The following CDH8 variants were observed in gnomAD, a reference collection of about 807,000 sequenced individuals.
The protein encoded by CDH8 is cadherin 8, also known as cadherin-8.
In CDH8, 17 loss-of-function variants were observed where a neutral mutation model predicts 68.1. That is an observed-to-expected ratio of 0.25 (90% CI 0.17 to 0.37). CDH8 has a LOEUF of 0.37. CDH8 is among the 10% of genes least tolerant of loss of function. The pLI is 1.00. For synonymous variants in CDH8, 372 were observed against 365.1 expected (o/e 1.02, Z -0.21); for missense variants, 763 against 999.3 (o/e 0.76, Z 3.19).
chr16:61,905,901 A>C, intron 2 of CDH8, among the ~76,000 whole-genome samples: 1 of 151,662 alleles, frequency 6.6e-6, no homozygotes. Context: ...TCTTGAAAAA[A>C]AAGAAAAAAG....
intron 2 of CDH8, among the ~76,000 whole-genome samples, chr16:62,016,706 C>T (rs911706495): frequency 6.6e-6 from 1 of 152,194 alleles, no homozygotes; most frequent in African/African-American, 2.4e-5. Context: ...CCTTGGTCCA[C>T]AGAGGACTGG....
At chr16:61,754,459 A>T (rs1960257802) in intron 8 of CDH8, among the ~76,000 whole-genome samples, 1 of 152,136 alleles carries the variant, frequency 6.6e-6, no homozygotes, top group South Asian at 2.1e-4. Context: ...TGATGAGTCA[A>T]AGGAAGAATA....
intron 8 of CDH8, among the ~76,000 whole-genome samples, chr16:61,757,552 C>G (rs1036276840): frequency 1.3e-5 from 2 of 152,134 alleles, no homozygotes; most frequent in Non-Finnish European, 2.9e-5. Context: ...GGTAGCTGTT[C>G]TCTTGAATAT....
At chr16:61,937,738 A>G (rs1225288115) in intron 2 of CDH8, among the ~76,000 whole-genome samples, 1 of 152,196 alleles carries the variant, frequency 6.6e-6, no homozygotes, top group African/African-American at 2.4e-5. Context: ...AACCTGAGGT[A>G]TAAACTTCAA....
intron 2 of CDH8, among the ~76,000 whole-genome samples, chr16:61,924,152 C>G (rs543976323): frequency 9.2e-5 from 14 of 151,968 alleles, no homozygotes; most frequent in South Asian, 2.1e-4. Flanking sequence ...TCGTTTTAAT[C>G]CTGATACTCT....
chr16:61,894,438 A>G (rs1169732464), intron 3 of CDH8, among the ~76,000 whole-genome samples: 1 of 152,166 alleles, frequency 6.6e-6, no homozygotes. Flanking sequence ...TGTATTTGAT[A>G]TCAATGGTGT....
At chr16:61,680,110 G>A (rs151273179) in intron 10 of CDH8, among the ~76,000 whole-genome samples, 80 of 151,970 alleles carry the variant, frequency 5.3e-4, no homozygotes, top group African/African-American at 1.9e-3. Context: ...ATATCCCTGC[G>A]TCATTCTTGC....
At chr16:61,929,662 G>A (rs757618042) in intron 2 of CDH8, among the ~76,000 whole-genome samples, 11 of 152,140 alleles carry the variant, frequency 7.2e-5, no homozygotes, top group Non-Finnish European at 1.6e-4. Flanking sequence ...CAAGATGGCA[G>A]TATATCTTGA....
At chr16:61,730,628 A>T (rs1365748447) in intron 8 of CDH8, among the ~76,000 whole-genome samples, 1 of 151,624 alleles carries the variant, frequency 6.6e-6, no homozygotes, top group Non-Finnish European at 1.5e-5. Flanking sequence ...TTTATTTAAC[A>T]ATTACGCAAG....
intron 10 of CDH8, among the ~76,000 whole-genome samples, chr16:61,704,550 T>C (rs1231736366): frequency 6.6e-6 from 1 of 152,168 alleles, no homozygotes. Flanking sequence ...GTTAAAAAAA[T>C]GAGAAAGTAC....
chr16:61,857,451 C>A (rs999399851), intron 3 of CDH8, among the ~76,000 whole-genome samples: 1 of 152,146 alleles, frequency 6.6e-6, no homozygotes, highest in South Asian at 2.1e-4. Context: ...TATAAAGATA[C>A]TTTTAGTATC....
intron 1 of CDH8, among the ~76,000 whole-genome samples, chr16:62,030,812 G>T (rs958090932): frequency 2.6e-5 from 4 of 151,942 alleles, no homozygotes; most frequent in African/African-American, 9.7e-5. Flanking sequence ...ATCCACAAAA[G>T]TACCTTATCA....
intron 10 of CDH8, among the ~76,000 whole-genome samples, chr16:61,668,884 A>G (rs1048472223): frequency 6.6e-6 from 1 of 152,054 alleles, no homozygotes; most frequent in African/African-American, 2.4e-5. Flanking sequence ...TTGAGCTTAT[A>G]AATGTGTGCT....
At chr16:61,729,241 A>G (rs1201229904) in intron 8 of CDH8, among the ~76,000 whole-genome samples, 1 of 150,770 alleles carries the variant, frequency 6.6e-6, no homozygotes, top group Non-Finnish European at 1.5e-5. Flanking sequence ...CCATTTTCAT[A>G]GTATAATACT....
At chr16:61,965,830 C>T (rs1407298101) in intron 2 of CDH8, among the ~76,000 whole-genome samples, 4 of 152,156 alleles carry the variant, frequency 2.6e-5, no homozygotes. Context: ...GAAAATGAGC[C>T]ATAACATATG....
At chr16:61,834,625 A>G (rs1382871115) in intron 4 of CDH8, among the ~76,000 whole-genome samples, 2 of 151,978 alleles carry the variant, frequency 1.3e-5, no homozygotes, top group Non-Finnish European at 2.9e-5. Flanking sequence ...GAAATATTTC[A>G]TGAATATAAT....
At chr16:61,831,875 T>C (rs780587818) in intron 4 of CDH8, among the ~76,000 whole-genome samples, 7 of 151,940 alleles carry the variant, frequency 4.6e-5, no homozygotes, top group Admixed American at 6.6e-5. Context: ...ATTATCCTGG[T>C]TATGAAACCA....
At chr16:61,974,855 C>T (rs1965407744) in intron 2 of CDH8, among the ~76,000 whole-genome samples, 1 of 152,216 alleles carries the variant, frequency 6.6e-6, no homozygotes, top group Middle Eastern at 3.4e-3. Flanking sequence ...TTCTCCAAGT[C>T]CCCTAGTCCT....
At chr16:61,880,948 T>C (rs1383968045) in intron 3 of CDH8, among the ~76,000 whole-genome samples, 1 of 152,098 alleles carries the variant, frequency 6.6e-6, no homozygotes, top group Admixed American at 6.5e-5. Flanking sequence ...AAGCAACGTG[T>C]GTAGATCGGC....
Sources: gnomAD v4.1 joint callset for allele counts (sites outside exome capture counted in the v4.1 genomes callset) on GRCh38, gnomAD v4.1.1 for gene constraint, MANE v1.5 for transcripts, NCBI Gene and HGNC (gene_info 2026-07-23, HGNC 2026-07-21) for gene names.